AIFM1: variants seen among roughly 807,000 people sequenced by gnomAD.
The protein encoded by AIFM1 is apoptosis-inducing factor 1, mitochondrial.
In AIFM1, 3 loss-of-function variants were observed where a neutral mutation model predicts 51.7. The ratio of observed to expected loss-of-function variants is 0.06; its 90% CI spans 0.03 to 0.15. The LOEUF is 0.15. Among genes scored for constraint, AIFM1 ranks in the 10% least tolerant of loss-of-function variants. The pLI, the probability that AIFM1 is intolerant of heterozygous loss-of-function variation, is 1.00. For synonymous variants in AIFM1, 178 were observed against 179.4 expected (o/e 0.99, Z 0.06); for missense variants, 330 against 476.8 (o/e 0.69, Z 2.87).
rs776417868 is a variant in AIFM1, at chrX:130,156,649, A to C, written c.107-46T>G. Reference sequence around the variant, plus strand: ...AGACACACACATACAAAAATAAAATAGTTAATACATATTTATGATTAAATG... The same window carrying C: ...AGACACACACATACAAAAATAAAATCGTTAATACATATTTATGATTAAATG... On this transcript the variant is annotated intron_variant, in intron 1 of 15. Transcript: ENST00000287295. 5.2e-6 allele frequency: 6 copies of C among 1,156,447 alleles called. No individual in the cohort carries two copies. In the African/African-American group the frequency reaches 8.9e-5, roughly 17 times the overall value.
chrX:130,140,754 T>C, intron 6 of AIFM1, 137 bp from the exon 7 acceptor site: 1 of 524,810 alleles, frequency 1.9e-6, no homozygotes, highest in Non-Finnish European at 3.3e-6. Flanking sequence ...CACAAGGTTG[T>C]GCCACCATCA....
At chrX:130,143,989 A>T (rs5977212) in intron 6 of AIFM1, among the ~76,000 whole-genome samples, 3 of 111,962 alleles carry the variant, frequency 2.7e-5, no homozygotes, top group African/African-American at 9.8e-5. Flanking sequence ...ATGTGAGTTT[A>T]GGCAAATTAT....
At chrX:130,153,028 A>C (rs1603229108) in intron 2 of AIFM1, among the ~76,000 whole-genome samples, 1 of 110,783 alleles carries the variant, frequency 9.0e-6, no homozygotes, top group South Asian at 3.8e-4. Context: ...TCATGGTAAA[A>C]ATTTTTAAAA....
In AIFM1 at chrX:130,129,437, A is replaced by G; in HGVS notation, c.*120T>C. 1.7e-6 allele frequency: 1 copy of G among 586,339 alleles called. No homozygotes were observed. The allele number at this position is 586,339 out of a possible 1,213,427, so 48.3% of individuals were successfully genotyped here. ...TACCTACATAGTTGAAAATATTCACAAAGGACTTGATCATTCACACTCATA... is the reference window on the plus strand; with the variant it reads ...TACCTACATAGTTGAAAATATTCACGAAGGACTTGATCATTCACACTCATA... On this transcript the variant is annotated 3_prime_UTR_variant, in exon 16 of 16. Coordinates refer to ENST00000287295, the MANE Select transcript of AIFM1 (RefSeq NM_004208.4).
At chrX:130,145,442 C>T in intron 6 of AIFM1, 37 bp downstream of exon 6, 20 of 1,072,414 alleles carry the variant, frequency 1.9e-5, no homozygotes, top group Non-Finnish European at 2.6e-5. Flanking sequence ...TGGGCAAGTA[C>T]GTAGAGCCTG....
chrX:130,131,592 G>A, intron 14 of AIFM1, 83 bp downstream of exon 14: 1 of 1,161,397 alleles, frequency 8.6e-7, no homozygotes, highest in South Asian at 1.8e-5. Context: ...AGCCCCTCTG[G>A]CCAATACAGA....
In AIFM1 at chrX:130,165,649, C is replaced by G. The variant is rs769299264; in HGVS notation, c.8G>C (p.Arg3Pro). 1 of 1,193,239 alleles carries G rather than the reference C, an allele frequency of 8.4e-7. No homozygotes were observed. The highest frequency in any genetic ancestry group is 1.1e-6 in the Non-Finnish European group (1 of 884,534). ...AGCACCCGCCGCCAGGCCTCCACAC[C>G]GGAACATTTCGGCGACCGCTATTCG... MF[R>P]CGGLAAGALK... Residue 3 changes from arginine to proline, a missense_variant, in exon 1 of 16, where the codon CGG (arginine) becomes CCG (proline). Around this residue, in one of 4 missense-constraint regions of AIFM1, gnomAD observed 110 missense variants for 103.1 expected, o/e 1.07. Transcript: ENST00000287295.
At chrX:130,162,743 T>C (rs1399714865) in intron 1 of AIFM1, among the ~76,000 whole-genome samples, 1 of 111,633 alleles carries the variant, frequency 9.0e-6, no homozygotes, top group African/African-American at 3.3e-5. Flanking sequence ...CGTTCAAACA[T>C]TTGAACCTAA....
At chrX:130,149,211 C>T (rs1021356643) in intron 3 of AIFM1, among the ~76,000 whole-genome samples, 7 of 111,621 alleles carry the variant, frequency 6.3e-5, no homozygotes, top group Non-Finnish European at 9.4e-5. Flanking sequence ...CGTGAGCCAC[C>T]GTGCCCAGCC....
intron 9 of AIFM1, chrX:130,138,075 A>C (rs758032382): frequency 1.7e-5 from 2 of 117,818 alleles, no homozygotes; most frequent in East Asian, 5.3e-4. Flanking sequence ...AAAAAAAAAA[A>C]AAAAAGCATC....
intron 2 of AIFM1, among the ~76,000 whole-genome samples, chrX:130,154,141 G>A (rs980518583): frequency 2.7e-5 from 3 of 112,103 alleles, no homozygotes; most frequent in African/African-American, 9.7e-5. Flanking sequence ...TTTATAATAC[G>A]GTAGCTTTAT....
intron 1 of AIFM1, among the ~76,000 whole-genome samples, chrX:130,159,569 C>T (rs2031280970): frequency 9.0e-6 from 1 of 111,299 alleles, no homozygotes; most frequent in South Asian, 3.8e-4. Flanking sequence ...GTTTGTCCTC[C>T]ACCTCTACCC....
chrX:130,154,098 T>C (rs1397192609), intron 2 of AIFM1, among the ~76,000 whole-genome samples: 1 of 112,530 alleles, frequency 8.9e-6, no homozygotes, highest in Non-Finnish European at 1.9e-5. Context: ...CAGTTGTAGG[T>C]AGACAAAAGC....
intron 1 of AIFM1, among the ~76,000 whole-genome samples, chrX:130,163,885 G>C (rs1029607013): frequency 1.3e-3 from 143 of 109,794 alleles, no homozygotes; most frequent in Non-Finnish European, 7.6e-4. Context: ...GCCGGGCGCG[G>C]TGGCTCACGC....
At chrX:130,141,315 A>T (rs2030571495) in intron 6 of AIFM1, among the ~76,000 whole-genome samples, 1 of 111,797 alleles carries the variant, frequency 8.9e-6, no homozygotes, top group African/African-American at 3.2e-5. Flanking sequence ...GGAAATTGGC[A>T]ATGAGAAGGC....
At chrX:130,131,217 A>C (rs1163547234) in intron 14 of AIFM1, among the ~76,000 whole-genome samples, 1 of 112,081 alleles carries the variant, frequency 8.9e-6, no homozygotes, top group Non-Finnish European at 1.9e-5. Flanking sequence ...TACTCAGCCC[A>C]GTTCCTCCCT....
At position 130,165,650 on chromosome X, in the gene AIFM1, G is replaced by T; in HGVS notation, c.7C>A (p.Arg3=). 2.5e-6 allele frequency: 3 copies of T among 1,193,342 alleles called. No homozygotes were observed. The highest frequency in any genetic ancestry group is 3.4e-6 in the Non-Finnish European group (3 of 884,619). Residue 3 remains arginine, a synonymous_variant, in exon 1 of 16, where the codon CGG becomes AGG. Coordinates refer to ENST00000287295, the MANE Select transcript of AIFM1 (RefSeq NM_004208.4). ...GCACCCGCCGCCAGGCCTCCACACC[G>T]GAACATTTCGGCGACCGCTATTCGG... MF[R]CGGLAAGALK...
At chrX:130,137,572 T>C (rs1446033819) in intron 9 of AIFM1, 2 of 1,156,512 alleles carry the variant, frequency 1.7e-6, no homozygotes, top group Middle Eastern at 2.3e-4. Context: ...ACATTCCAAC[T>C]GGAGCTCACA....
At position 130,130,124 on chromosome X, in the gene AIFM1, G is replaced by A; in HGVS notation, c.1616C>T (p.Ser539Leu). The A allele has an allele frequency of 8.3e-7, 1 of 1,211,912 alleles. No individual in the cohort carries two copies. Among genetic ancestry groups the A allele is most frequent in the Non-Finnish European group, 1.1e-6 (1 of 895,591 alleles). Residue 539 changes from serine to leucine, a missense_variant, in exon 15 of 16, where the codon TCA (serine) becomes TTA (leucine). Around this residue, in one of 4 missense-constraint regions of AIFM1, gnomAD observed 56 missense variants for 48.8 expected, o/e 1.15. Coordinates refer to ENST00000287295, the MANE Select transcript of AIFM1 (RefSeq NM_004208.4). ...RSESETESEASEITIPPSTPA... is the reference protein window; with the variant it reads ...RSESETESEALEITIPPSTPA... Reference sequence around the variant, plus strand: ...GGTGCTGGGAGGAATAGTAATTTCTGAGGCCTCGGACTCTGTCTCACTCTC... The same window carrying A: ...GGTGCTGGGAGGAATAGTAATTTCTAAGGCCTCGGACTCTGTCTCACTCTC...
Sources: gnomAD v4.1 joint callset for allele counts (sites outside exome capture counted in the v4.1 genomes callset) on GRCh38, gnomAD v4.1.1 for gene constraint, gnomAD v4.1.1 regional missense constraint, MANE v1.5 for transcripts, NCBI Gene and HGNC (gene_info 2026-07-23, HGNC 2026-07-21) for gene names.